The following PRELID2 variants were observed in gnomAD, a reference collection of about 807,000 sequenced individuals.
The protein encoded by PRELID2 is PRELI domain containing 2, also known as PRELI domain-containing protein 2.
Under a neutral mutation model 28.4 loss-of-function variants are expected in PRELID2, and 25 were observed. That is an observed-to-expected ratio of 0.88 (90% CI 0.64 to 1.23). PRELID2 has a LOEUF of 1.23. Among genes scored for constraint, PRELID2 ranks in the 50% most tolerant of loss-of-function variants. The pLI is 0.00. For missense variants in PRELID2, 201 were observed against 214.4 expected (o/e 0.94, Z 0.39); for synonymous variants, 76 against 71.6 (o/e 1.06, Z -0.31).
intron 1 of PRELID2, among the ~76,000 whole-genome samples, chr5:145,662,912 C>T (rs778589413): frequency 6.6e-6 from 1 of 152,084 alleles, no homozygotes; most frequent in Non-Finnish European, 1.5e-5. Context: ...AGAAGACAGA[C>T]CAAGACAGTC....
chr5:145,578,978 A>T (rs900984645), intron 1 of PRELID2, among the ~76,000 whole-genome samples: 9 of 152,076 alleles, frequency 5.9e-5, no homozygotes, highest in African/African-American at 2.2e-4. Flanking sequence ...CCATGCTAAA[A>T]ATGTATCAGT....
chr5:145,351,478 C>T, the PRELID2 span, among the ~76,000 whole-genome samples: 135 of 152,248 alleles, frequency 8.9e-4, no homozygotes, highest in African/African-American at 2.8e-3. Context: ...AGGGAACAAC[C>T]CCCAAGATTC....
chr5:145,399,884 C>G, the PRELID2 span, among the ~76,000 whole-genome samples: 1 of 152,114 alleles, frequency 6.6e-6, no homozygotes, highest in East Asian at 1.9e-4. Context: ...AACCAACGTA[C>G]CTCATGAGAC....
At chr5:145,820,984 T>C (rs967627005) in intron 2 of PRELID2, among the ~76,000 whole-genome samples, 1 of 152,084 alleles carries the variant, frequency 6.6e-6, no homozygotes, top group Non-Finnish European at 1.5e-5. Context: ...CTTACATCAC[T>C]TCTCCCAACT....
chr5:145,777,479 C>T (rs992292637), intron 5 of PRELID2, among the ~76,000 whole-genome samples: 2 of 152,196 alleles, frequency 1.3e-5, no homozygotes, highest in African/African-American at 2.4e-5. Flanking sequence ...ACCACCTGTG[C>T]GATCTTGATC....
the PRELID2 span, among the ~76,000 whole-genome samples, chr5:145,343,855 C>A: frequency 6.6e-6 from 1 of 151,626 alleles, no homozygotes; most frequent in East Asian, 1.9e-4. Flanking sequence ...CACAGAAATA[C>A]AAAGAAAAAT....
At chr5:145,443,285 T>C in the PRELID2 span, among the ~76,000 whole-genome samples, 1 of 152,086 alleles carries the variant, frequency 6.6e-6, no homozygotes, top group Non-Finnish European at 1.5e-5. Flanking sequence ...TCTCCCTATA[T>C]CTCTGTGCTC....
At chr5:145,617,432 T>G (rs1561521249) in intron 1 of PRELID2, among the ~76,000 whole-genome samples, 1 of 152,198 alleles carries the variant, frequency 6.6e-6, no homozygotes, top group Non-Finnish European at 1.5e-5. Flanking sequence ...CATGAAATCT[T>G]CACAATTTAT....
chr5:145,366,671 G>A, the PRELID2 span, among the ~76,000 whole-genome samples: 1 of 151,716 alleles, frequency 6.6e-6, no homozygotes, highest in African/African-American at 2.4e-5. Context: ...TATTTCTGTT[G>A]AAATTGTCTG....
intron 1 of PRELID2, among the ~76,000 whole-genome samples, chr5:145,740,229 G>GATAGAGTCATTATATAATATA (rs1756618745): frequency 7.8e-6 from 1 of 127,648 alleles, no homozygotes; most frequent in Non-Finnish European, 1.6e-5. Flanking sequence ...AAGTACTAGG[G>GATAGAGTCATTATATAATATA]ATAGAGTCAT....
At chr5:145,683,756 G>C (rs1394081799) in intron 1 of PRELID2, among the ~76,000 whole-genome samples, 2 of 152,190 alleles carry the variant, frequency 1.3e-5, no homozygotes, top group Non-Finnish European at 2.9e-5. Context: ...TTGTAGGAGA[G>C]AGGGAGAACA....
the PRELID2 span, among the ~76,000 whole-genome samples, chr5:145,405,002 C>A: frequency 6.6e-6 from 1 of 151,988 alleles, no homozygotes; most frequent in Non-Finnish European, 1.5e-5. Context: ...TGGTTTTAAA[C>A]ACTGGGGCTC....
At chr5:145,719,850 T>C (rs536453577) in intron 1 of PRELID2, among the ~76,000 whole-genome samples, 14 of 151,778 alleles carry the variant, frequency 9.2e-5, no homozygotes, top group Non-Finnish European at 1.9e-4. Context: ...CAAACAAGTA[T>C]GTAGGAATAT....
chr5:145,463,667 A>G, the PRELID2 span, among the ~76,000 whole-genome samples: 1 of 152,184 alleles, frequency 6.6e-6, no homozygotes, highest in South Asian at 2.1e-4. Flanking sequence ...ACTGTCATAG[A>G]GACAATAGCA....
chr5:145,620,304 C>T (rs1042839449), intron 1 of PRELID2, among the ~76,000 whole-genome samples: 3 of 152,202 alleles, frequency 2.0e-5, no homozygotes, highest in African/African-American at 7.2e-5. Context: ...GATCTACAAG[C>T]AGCCAGAGAA....
At chr5:145,722,812 T>C (rs1340010908) in intron 1 of PRELID2, among the ~76,000 whole-genome samples, 1 of 152,134 alleles carries the variant, frequency 6.6e-6, no homozygotes, top group Non-Finnish European at 1.5e-5. Context: ...AAATTAATAA[T>C]TTATTTTAAA....
chr5:145,593,516 T>C (rs1753259835), intron 1 of PRELID2, among the ~76,000 whole-genome samples: 1 of 152,198 alleles, frequency 6.6e-6, no homozygotes, highest in South Asian at 2.1e-4. Context: ...AATATGAATT[T>C]ATAGTATGAC....
intron 1 of PRELID2, among the ~76,000 whole-genome samples, chr5:145,707,733 T>A (rs1259292777): frequency 1.3e-5 from 2 of 152,158 alleles, no homozygotes; most frequent in South Asian, 4.1e-4. Context: ...AAAAAATTAC[T>A]CAGATCAAGT....
intron 1 of PRELID2, among the ~76,000 whole-genome samples, chr5:145,699,728 C>A (rs1011993365): frequency 6.6e-6 from 1 of 152,142 alleles, no homozygotes; most frequent in Admixed American, 6.5e-5. Context: ...TTAAACTAAG[C>A]GTGGCCCCAG....
Sources: gnomAD v4.1 joint callset for allele counts (sites outside exome capture counted in the v4.1 genomes callset) on GRCh38, gnomAD v4.1.1 for gene constraint, MANE v1.5 for transcripts, NCBI Gene and HGNC (gene_info 2026-07-23, HGNC 2026-07-21) for gene names.